ATP6V0A2: variants seen among roughly 807,000 people sequenced by gnomAD.
ATP6V0A2 encodes ATPase H+ transporting V0 subunit a2.
A neutral mutation model predicts 104.4 loss-of-function variants in ATP6V0A2; 58 were observed. The ratio of observed to expected loss-of-function variants is 0.56; its 90% CI spans 0.45 to 0.69. The LOEUF is 0.69. Ranked by LOEUF, ATP6V0A2 falls within the 30% of genes least tolerant of loss-of-function variation. The probability of loss-of-function intolerance (pLI) is 0.00; values close to 1 mark genes in which losing one functional copy is unlikely to be tolerated. For synonymous variants in ATP6V0A2, 376 were observed against 397.9 expected (o/e 0.95, Z 0.65); for missense variants, 938 against 1,062.9 (o/e 0.88, Z 1.63).
intron 1 of ATP6V0A2, among the ~76,000 whole-genome samples, chr12:123,716,861 A>G (rs1956345489): frequency 6.6e-6 from 1 of 151,392 alleles, no homozygotes; most frequent in South Asian, 2.1e-4. Context: ...CCATCACCCC[A>G]GAAGATTCTT....
chr12:123,739,257 C>T (rs1956585631), intron 9 of ATP6V0A2, among the ~76,000 whole-genome samples: 1 of 152,210 alleles, frequency 6.6e-6, no homozygotes, highest in African/African-American at 2.4e-5. Flanking sequence ...TCTTCGTTTC[C>T]CGTCAAGGGT....
At chr12:123,742,016 C>T (rs554214712) in intron 9 of ATP6V0A2, among the ~76,000 whole-genome samples, 7 of 152,272 alleles carry the variant, frequency 4.6e-5, no homozygotes, top group Admixed American at 2.0e-4. Context: ...TCTTTCGTTC[C>T]TGTCCTGCTC....
In ATP6V0A2 at chr12:123,733,760, G is replaced by A. The variant is rs994082704; in HGVS notation, c.649-166G>A. The A allele has an allele frequency of 1.7e-4, 107 of 644,174 alleles. 1 individual carries two copies. The African/African-American group carries it at 1.8e-3, about 11-fold the overall frequency. The allele number at this position is 644,174 out of a possible 1,614,324, so 39.9% of individuals were successfully genotyped here. On this transcript the variant is annotated intron_variant, in intron 6 of 19. Transcript: ENST00000330342. ...GAAGCGCTCCGTGGATTGGTTTGGG[G>A]CTGTTACTACAAGTAGGTGAATTCG... is the stretch of plus-strand genomic sequence containing the variant.
chr12:123,738,101 T>C (rs1367342400), intron 9 of ATP6V0A2, among the ~76,000 whole-genome samples: 1 of 152,210 alleles, frequency 6.6e-6, no homozygotes, highest in African/African-American at 2.4e-5. Flanking sequence ...GGGAATACCT[T>C]TTTTTTGTTT....
chr12:123,727,678 G>A (rs765926617), intron 5 of ATP6V0A2, 105 bp from the exon 6 acceptor site: 48 of 1,415,130 alleles, frequency 3.4e-5, no homozygotes, highest in African/African-American at 5.6e-5. Flanking sequence ...GGGCTCTCAG[G>A]ATGTCTTCAC....
intron 14 of ATP6V0A2, 105 bp from the exon 15 acceptor site, chr12:123,748,470 T>C: frequency 4.6e-6 from 4 of 860,690 alleles, no homozygotes; most frequent in Non-Finnish European, 6.0e-6. Context: ...AGAAATGATG[T>C]TATTCTGAAA....
rs1010978298 is a variant in ATP6V0A2, at chr12:123,734,883, C to T, written c.732-648C>T. On this transcript the variant is annotated intron_variant, in intron 7 of 19. Coordinates refer to ENST00000330342, the MANE Select transcript of ATP6V0A2 (RefSeq NM_012463.4). ...TTACTGCAGATTAAAAAACTATACC[C>T]AGCTCAGCAAACCCATGATTTCACA... Among the ~76,000 whole-genome samples, 5 of 152,172 alleles carry T rather than the reference C, an allele frequency of 3.3e-5. No homozygotes were observed. The East Asian group carries it at 9.6e-4, about 29-fold the overall frequency.
intron 6 of ATP6V0A2, chr12:123,730,794 C>T (rs139602665): frequency 6.6e-6 from 1 of 152,336 alleles, no homozygotes; most frequent in East Asian, 1.9e-4. Context: ...GCAACCTCCA[C>T]CTCCCGGGTT....
rs765145096 is a variant in ATP6V0A2, at chr12:123,744,929, T to C, written c.1562T>C (p.Ile521Thr). Reference sequence around the variant, plus strand: ...AGCATTTTGCAGCTGGATCCAAGCATTCCTGGAGTGTTCCGAGGCCCTTAT... The same window carrying C: ...AGCATTTTGCAGCTGGATCCAAGCACTCCTGGAGTGTTCCGAGGCCCTTAT... ...HNSILQLDPSIPGVFRGPYPL... is the reference protein window; with the variant it reads ...HNSILQLDPSTPGVFRGPYPL... The change falls in exon 13 of 20, where the codon ATT (isoleucine) becomes ACT (threonine). Residue 521 changes from isoleucine (I) to threonine (T), a missense_variant. Transcript: ENST00000330342. This position sits in a 1 kb window ranked among gnomAD's most constrained non-coding sequence, Gnocchi z 5.4. 1.9e-6 allele frequency: 3 copies of C among 1,614,222 alleles called. No homozygotes were observed. The East Asian group carries it at 6.7e-5, about 36-fold the overall frequency.
rs1017892678 is a variant in ATP6V0A2 at position 123,743,846 on chromosome 12, C to G, written c.1100C>G (p.Pro367Arg). ...ATAATCCCCACAAAAGAAACACCCC[C>G]CACTCGGATCCGCACCAACAAATTC... The part of the protein sequence containing the change: ...MNIIPTKETP[P>R]TRIRTNKFTE... Residue 367 changes from proline to arginine, a missense_variant, in exon 10 of 20, where the codon CCC (proline) becomes CGC (arginine). Physicochemically the swap from Pro to Arg is moderately radical, Grantham distance 103. Transcript: ENST00000330342. The G allele has an allele frequency of 3.1e-6, 5 of 1,613,976 alleles. No homozygotes were observed. The highest frequency in any genetic ancestry group is 2.2e-5 in the East Asian group (1 of 44,904).
chr12:123,730,055 T>TTTC (rs1956486930), intron 6 of ATP6V0A2, among the ~76,000 whole-genome samples: 3 of 103,460 alleles, frequency 2.9e-5, no homozygotes, highest in East Asian at 5.3e-4. Flanking sequence ...TTTTTTTTTT[T>TTTC]TTTTTTTTTT....
chr12:123,737,948 T>C (rs1956571916), intron 9 of ATP6V0A2, among the ~76,000 whole-genome samples: 1 of 152,264 alleles, frequency 6.6e-6, no homozygotes, highest in African/African-American at 2.4e-5. Context: ...TAACTAGTTT[T>C]CTGGTCATTT....
chr12:123,750,900 C>A lies in ATP6V0A2; in HGVS notation c.1936-210C>A, dbSNP rs1488083689. The stretch of plus-strand genomic sequence containing the variant: ...TGGTCTAAAACAAAATAATACTTTA[C>A]CACAGGGTCATTAATGTTATTCATC... On this transcript the variant is annotated intron_variant, in intron 15 of 19. Coordinates refer to ENST00000330342, the MANE Select transcript of ATP6V0A2 (RefSeq NM_012463.4). The A allele has an allele frequency of 1.6e-5, 10 of 612,062 alleles. No homozygotes were observed. In the East Asian group the frequency reaches 3.0e-4, roughly 18 times the overall value. 37.9% of individuals were successfully genotyped at this position (612,062 alleles called of 1,614,324 possible).
chr12:123,720,063 G>A (rs10160842), intron 2 of ATP6V0A2, among the ~76,000 whole-genome samples: 4 of 151,914 alleles, frequency 2.6e-5, no homozygotes, highest in Admixed American at 6.5e-5. Context: ...CCTTTCTCTC[G>A]GCTGACCTTA....
At chr12:123,717,821 T>C (rs1325913266) in intron 1 of ATP6V0A2, among the ~76,000 whole-genome samples, 1 of 151,956 alleles carries the variant, frequency 6.6e-6, no homozygotes, top group Non-Finnish European at 1.5e-5. Flanking sequence ...CATTTTTTCT[T>C]TTTCCCTGAG....
At chr12:123,728,043 G>C in intron 6 of ATP6V0A2, 134 bp downstream of exon 6, 1 of 1,123,426 alleles carries the variant, frequency 8.9e-7, no homozygotes, top group Non-Finnish European at 1.3e-6. Flanking sequence ...CTTCAACCAC[G>C]TGTAGTGTGT....
At chr12:123,725,654 T>C (rs1202586077) in intron 4 of ATP6V0A2, among the ~76,000 whole-genome samples, 1 of 151,998 alleles carries the variant, frequency 6.6e-6, no homozygotes, top group Non-Finnish European at 1.5e-5. Flanking sequence ...AGCGTGGTGG[T>C]GCATACTTGT....
intron 18 of ATP6V0A2, among the ~76,000 whole-genome samples, chr12:123,755,702 A>G (rs1395214132): frequency 1.3e-5 from 2 of 151,962 alleles, no homozygotes; most frequent in African/African-American, 2.4e-5. Flanking sequence ...ATAACAGACA[A>G]AAGACTTTAA....
At chr12:123,757,380 G>A (rs1363002394) in intron 19 of ATP6V0A2, among the ~76,000 whole-genome samples, 2 of 151,992 alleles carry the variant, frequency 1.3e-5, no homozygotes, top group South Asian at 2.1e-4. Context: ...GGCAGAGGTT[G>A]CAGTGAGCCG....
Sources: allele counts gnomAD v4.1 joint callset (sites outside exome capture counted in the v4.1 genomes callset), GRCh38; gene constraint gnomAD v4.1.1; non-coding constraint Gnocchi (gnomAD v3.1); transcripts MANE v1.5; gene names NCBI Gene and HGNC (gene_info 2026-07-23, HGNC 2026-07-21).